CDH9: variants seen among roughly 807,000 people sequenced by gnomAD.
The protein encoded by CDH9 is cadherin-9.
A neutral mutation model predicts 70.9 loss-of-function variants in CDH9; 28 were observed. The ratio of observed to expected loss-of-function variants is 0.40; its 90% CI spans 0.29 to 0.54. The LOEUF is 0.54. Ranked by LOEUF, CDH9 falls within the 20% of genes least tolerant of loss-of-function variation. CDH9 has a pLI of 0.59. For synonymous variants in CDH9, 409 were observed against 343.1 expected, an observed-to-expected ratio of 1.19 and a Z score of -2.12; for missense variants, 874 against 984.4, an observed-to-expected ratio of 0.89 and a Z score of 1.50.
At chr5:26,886,730 G>C (rs1218664414) in intron 9 of CDH9, among the ~76,000 whole-genome samples, 2 of 152,080 alleles carry the variant, frequency 1.3e-5, no homozygotes, top group African/African-American at 4.8e-5. Context: ...CAATGTTGAA[G>C]TTTCAAAATT....
intron 1 of CDH9, among the ~76,000 whole-genome samples, chr5:27,017,592 T>C (rs536609184): frequency 5.1e-4 from 78 of 152,128 alleles, no homozygotes; most frequent in African/African-American, 1.7e-3. Flanking sequence ...TGTTTGTTTG[T>C]TTGTTTTAGT....
chr5:27,006,761 C>T (rs1031284712), intron 1 of CDH9, among the ~76,000 whole-genome samples: 3 of 151,918 alleles, frequency 2.0e-5, no homozygotes, highest in Non-Finnish European at 4.4e-5. Context: ...CATGCTGCTC[C>T]CATGGAATAA....
At chr5:27,005,858 TC>T (rs1017132481) in intron 1 of CDH9, among the ~76,000 whole-genome samples, 63 of 152,158 alleles carry the variant, frequency 4.1e-4, no homozygotes, top group African/African-American at 1.5e-3. Context: ...TGCAGTCATA[TC>T]TTTTGCTTGA....
At position 26,929,542 on chromosome 5, in the gene CDH9, A is replaced by T. The variant is rs926793134; in HGVS notation, c.229-13618T>A. Reference sequence around the variant, plus strand: ...GTGTTGAAGAGACATCTGCACTCTCATGTTTAACTGAGGCACTATTTACCA... The same window carrying T: ...GTGTTGAAGAGACATCTGCACTCTCTTGTTTAACTGAGGCACTATTTACCA... On this transcript the variant is annotated intron_variant, in intron 2 of 11. Transcript: ENST00000231021. Among the ~76,000 whole-genome samples the T allele has an allele frequency of 5.3e-5, 8 of 152,236 alleles. No individual in the cohort carries two copies. The East Asian group carries it at 1.5e-3, about 29-fold the overall frequency.
chr5:27,011,356 A>G (rs1742951751), intron 1 of CDH9, among the ~76,000 whole-genome samples: 1 of 152,078 alleles, frequency 6.6e-6, no homozygotes. Context: ...CCATAACTCA[A>G]TATTACTGGG....
intron 2 of CDH9, among the ~76,000 whole-genome samples, chr5:26,976,533 G>A (rs543472872): frequency 7.3e-4 from 111 of 152,104 alleles, no homozygotes; most frequent in African/African-American, 2.6e-3. Flanking sequence ...TGCTTCCCGG[G>A]CTCAAGCAAT....
At chr5:26,890,021 C>T in intron 8 of CDH9, 64 bp from the exon 9 acceptor site, 1 of 1,485,750 alleles carries the variant, frequency 6.7e-7, no homozygotes, top group Non-Finnish European at 9.2e-7. Context: ...ACCACTCACC[C>T]ATTTGTAGCT....
intron 4 of CDH9, 38 bp from the exon 5 acceptor site, chr5:26,906,164 C>A (rs376504959): frequency 1.3e-6 from 2 of 1,562,788 alleles, no homozygotes; most frequent in South Asian, 1.1e-5. Context: ...GCAATTAAAT[C>A]GCTGAGTTTT....
In CDH9 at chr5:27,005,536, T is replaced by A. The variant is rs1453104506; in HGVS notation, c.-49-17154A>T. ...AAAGTAACAGATGCTGACGAGGTCGTGGAGAAAAGCAAACACATGCACTGA... is the reference window on the plus strand; with the variant it reads ...AAAGTAACAGATGCTGACGAGGTCGAGGAGAAAAGCAAACACATGCACTGA... On this transcript the variant is annotated intron_variant, in intron 1 of 11. Transcript: ENST00000231021. Among the ~76,000 whole-genome samples the A allele has an allele frequency of 3.9e-5, 6 of 152,026 alleles. No homozygotes were observed. The East Asian group carries it at 1.2e-3, about 29-fold the overall frequency.
At chr5:26,981,514 T>C (rs1292855634) in intron 2 of CDH9, among the ~76,000 whole-genome samples, 2 of 152,124 alleles carry the variant, frequency 1.3e-5, no homozygotes, top group East Asian at 3.9e-4. Flanking sequence ...AATAAACATA[T>C]GTGGAATCCA....
intron 2 of CDH9, among the ~76,000 whole-genome samples, chr5:26,963,825 G>GA (rs1352734640): frequency 6.6e-6 from 1 of 150,382 alleles, no homozygotes; most frequent in Non-Finnish European, 1.5e-5. Context: ...CACAAAATAA[G>GA]GGGGAAAATG....
intron 2 of CDH9, among the ~76,000 whole-genome samples, chr5:26,974,829 T>TGTGC (rs1742277978): frequency 6.6e-6 from 1 of 151,928 alleles, no homozygotes; most frequent in Non-Finnish European, 1.5e-5. Flanking sequence ...TGTGTGTGTG[T>TGTGC]GTGCGTGTGT....
intron 1 of CDH9, among the ~76,000 whole-genome samples, chr5:27,034,966 T>A (rs1012888274): frequency 8.6e-5 from 13 of 151,402 alleles, no homozygotes; most frequent in South Asian, 2.1e-4. Context: ...AGAAAAAAAA[T>A]TTTTTTAGAT....
intron 1 of CDH9, among the ~76,000 whole-genome samples, chr5:27,037,664 C>T (rs1024347758): frequency 3.3e-5 from 5 of 151,892 alleles, no homozygotes; most frequent in African/African-American, 9.7e-5. Context: ...AACAATGCTC[C>T]ACCAAATCAA....
intron 3 of CDH9, among the ~76,000 whole-genome samples, 200 bp downstream of exon 3, chr5:26,915,430 T>A (rs1337932179): frequency 2.6e-5 from 4 of 152,020 alleles, no homozygotes; most frequent in Non-Finnish European, 5.9e-5. Context: ...TTGATAATCA[T>A]ATTTTATATA....
At chr5:26,883,673 T>G (rs555460544) in intron 11 of CDH9, among the ~76,000 whole-genome samples, 56 of 152,230 alleles carry the variant, frequency 3.7e-4, no homozygotes, top group African/African-American at 6.7e-4. Context: ...CGGTTTTCTT[T>G]GTGTTTTTTG....
In CDH9 at chr5:26,890,428, T is replaced by A; in HGVS notation, c.1390A>T (p.Asn464Tyr). Residue 464 changes from asparagine (N) to tyrosine (Y), a missense_variant and splice_region_variant, in exon 8 of 12, where the codon AAT (asparagine) becomes TAT (tyrosine). Physicochemically the swap from Asn to Tyr is moderately radical, Grantham distance 143 (BLOSUM62 -2). Coordinates refer to ENST00000231021, the MANE Select transcript of CDH9 (RefSeq NM_016279.4). ...HNITVTATEI[N>Y]NPKQSSHIPV... is the part of the protein sequence containing the mutation. ...TCGGGTAGATGTAGCTCCAACTTAC[T>A]TATTTCTGTGGCTGTAACAGTGATG... 1 of 1,613,438 alleles carries A rather than the reference T, an allele frequency of 6.2e-7. No individual in the cohort carries two copies. Among genetic ancestry groups the A allele is most frequent in the South Asian group, 1.1e-5 (1 of 91,068 alleles).
At chr5:27,036,552 AT>A (rs1362034270) in intron 1 of CDH9, among the ~76,000 whole-genome samples, 7 of 152,024 alleles carry the variant, frequency 4.6e-5, no homozygotes, top group South Asian at 2.1e-4. Flanking sequence ...GAAAAATAAT[AT>A]TTTTTATCCT....
intron 7 of CDH9, among the ~76,000 whole-genome samples, chr5:26,897,571 A>G (rs1740775669): frequency 6.6e-6 from 1 of 152,198 alleles, no homozygotes; most frequent in Admixed American, 6.5e-5. Flanking sequence ...CAAAAACCAC[A>G]TGATTATCTC....
Sources: gnomAD v4.1 joint callset for allele counts (sites outside exome capture counted in the v4.1 genomes callset) on GRCh38, gnomAD v4.1.1 for gene constraint, MANE v1.5 for transcripts, NCBI Gene and HGNC (gene_info 2026-07-23, HGNC 2026-07-21) for gene names.